BRINP3: variants seen among roughly 807,000 people sequenced by gnomAD.
The protein encoded by BRINP3 is BMP/retinoic acid inducible neural specific 3, also known as BMP/retinoic acid-inducible neural-specific protein 3.
Under a neutral mutation model 71.0 loss-of-function variants are expected in BRINP3, and 19 were observed. That is an observed-to-expected ratio of 0.27 (90% CI 0.19 to 0.39). The LOEUF is 0.39. Ranked by LOEUF, BRINP3 falls within the 10% of genes least tolerant of loss-of-function variation. The pLI, the probability that BRINP3 is intolerant of heterozygous loss-of-function variation, is 1.00. For synonymous variants in BRINP3, 380 were observed against 337.7 expected, an observed-to-expected ratio of 1.13 and a Z score of -1.37; for missense variants, 959 against 940.8, an observed-to-expected ratio of 1.02 and a Z score of -0.25.
intron 2 of BRINP3, among the ~76,000 whole-genome samples, chr1:190,434,220 C>G (rs1674299244): frequency 6.6e-6 from 1 of 151,964 alleles, no homozygotes; most frequent in South Asian, 2.1e-4. Flanking sequence ...CTGGATTCTG[C>G]CTCACCAGCC....
intron 1 of BRINP3, among the ~76,000 whole-genome samples, chr1:190,472,767 A>C (rs1677217456): frequency 6.6e-6 from 1 of 151,728 alleles, no homozygotes; most frequent in Admixed American, 6.6e-5. Flanking sequence ...ATACACTTTT[A>C]TTTAAAGAAT....
chr1:190,279,190 A>T (rs1188378846), intron 3 of BRINP3, among the ~76,000 whole-genome samples: 4 of 151,828 alleles, frequency 2.6e-5, no homozygotes, highest in African/African-American at 9.7e-5. Context: ...TACCTTTCAG[A>T]TTTTATTGCA....
chr1:190,297,423 A>T (rs1458404734), intron 2 of BRINP3, among the ~76,000 whole-genome samples: 3 of 152,122 alleles, frequency 2.0e-5, no homozygotes, highest in African/African-American at 7.2e-5. Flanking sequence ...TAAAACTCCT[A>T]AAAGAAAACT....
At chr1:190,337,727 C>T (rs111297951) in intron 2 of BRINP3, among the ~76,000 whole-genome samples, 131 of 152,210 alleles carry the variant, frequency 8.6e-4, no homozygotes, top group African/African-American at 3.0e-3. Flanking sequence ...GATGGGATTT[C>T]ACCTTGTGAT....
chr1:190,280,991 A>G (rs1260392417), intron 3 of BRINP3, among the ~76,000 whole-genome samples: 1 of 151,944 alleles, frequency 6.6e-6, no homozygotes, highest in African/African-American at 2.4e-5. Flanking sequence ...GTATTTAACA[A>G]TATCACACAA....
At chr1:190,177,094 A>G (rs1270423512) in intron 6 of BRINP3, among the ~76,000 whole-genome samples, 2 of 147,988 alleles carry the variant, frequency 1.4e-5, no homozygotes, top group South Asian at 2.1e-4. Flanking sequence ...CCAATTGACT[A>G]CTAGGCCAAA....
At chr1:190,141,825 T>G (rs886509693) in intron 7 of BRINP3, among the ~76,000 whole-genome samples, 4 of 152,010 alleles carry the variant, frequency 2.6e-5, no homozygotes, top group African/African-American at 9.7e-5. Context: ...CCAAAAGTGT[T>G]GGGATCACAG....
At chr1:190,473,540 C>CTTTTTTTTTTTTTT (rs201424484) in intron 1 of BRINP3, among the ~76,000 whole-genome samples, 1 of 133,078 alleles carries the variant, frequency 7.5e-6, no homozygotes, top group Non-Finnish European at 1.6e-5. Context: ...TAATTTTTCT[C>CTTTTTTTTTTTTTT]TTTTTTTTTT....
rs115265720 is a variant in BRINP3, at chr1:190,463,825, G to A, written c.-50-8885C>T. Among the ~76,000 whole-genome samples, 260 of 151,770 alleles carry A rather than the reference G, an allele frequency of 1.7e-3. 1 individual carries two copies. Among genetic ancestry groups the A allele is most frequent in the African/African-American group, 6.1e-3 (254 of 41,490 alleles). ...TTAATCTTTACATTTTTTATTTAAA[G>A]GTAATGAATTTTTAGATAGCCAGCA... On this transcript the variant is annotated intron_variant, in intron 1 of 7. Transcript: ENST00000367462.
chr1:190,218,864 C>A (rs960266719), intron 6 of BRINP3, among the ~76,000 whole-genome samples: 5 of 152,046 alleles, frequency 3.3e-5, no homozygotes, highest in East Asian at 1.9e-4. Flanking sequence ...TCTATTTACC[C>A]TTTCATTGTG....
chr1:190,452,056 C>T (rs1470212096), intron 2 of BRINP3, among the ~76,000 whole-genome samples: 1 of 152,154 alleles, frequency 6.6e-6, no homozygotes, highest in East Asian at 1.9e-4. Flanking sequence ...AAATTACAAT[C>T]TTTAAAATGA....
At chr1:190,238,678 T>A (rs1658761685) in intron 4 of BRINP3, among the ~76,000 whole-genome samples, 1 of 130,936 alleles carries the variant, frequency 7.6e-6, no homozygotes, top group African/African-American at 2.6e-5. Flanking sequence ...TCTCATATGC[T>A]GCTGCTGGGA....
intron 7 of BRINP3, among the ~76,000 whole-genome samples, chr1:190,125,160 T>G (rs1481273746): frequency 6.6e-6 from 1 of 151,908 alleles, no homozygotes; most frequent in Non-Finnish European, 1.5e-5. Flanking sequence ...TAGGGTAGTT[T>G]CAACCAAATA....
At chr1:190,427,767 A>G (rs1486642147) in intron 2 of BRINP3, among the ~76,000 whole-genome samples, 1 of 151,968 alleles carries the variant, frequency 6.6e-6, no homozygotes, top group Non-Finnish European at 1.5e-5. Flanking sequence ...GTTCAGAGGT[A>G]CAGGTGCCAG....
chr1:190,470,778 G>A (rs1297626389), intron 1 of BRINP3, among the ~76,000 whole-genome samples: 5 of 150,868 alleles, frequency 3.3e-5, no homozygotes, highest in Admixed American at 3.3e-4. Flanking sequence ...TGTATTTCAT[G>A]ATAAAACATC....
At chr1:190,149,155 T>A (rs554215869) in intron 7 of BRINP3, among the ~76,000 whole-genome samples, 1 of 152,354 alleles carries the variant, frequency 6.6e-6, no homozygotes, top group East Asian at 1.9e-4. Context: ...ACGTTTGTAC[T>A]TAATACATGT....
intron 2 of BRINP3, among the ~76,000 whole-genome samples, chr1:190,394,897 T>C (rs1199569038): frequency 1.3e-5 from 2 of 151,710 alleles, no homozygotes; most frequent in East Asian, 3.9e-4. Flanking sequence ...GGAAAGACTG[T>C]TGAATGCATG....
chr1:190,103,104 C>T (rs1353578201), intron 7 of BRINP3, among the ~76,000 whole-genome samples: 1 of 152,062 alleles, frequency 6.6e-6, no homozygotes, highest in Non-Finnish European at 1.5e-5. Flanking sequence ...GTGTGAATAT[C>T]TGACTTTACA....
intron 4 of BRINP3, among the ~76,000 whole-genome samples, chr1:190,258,004 C>CTGCTATT (rs1660826245): frequency 6.6e-6 from 1 of 152,212 alleles, no homozygotes. Flanking sequence ...GGGGGAACCA[C>CTGCTATT]TGCTATTTTC....
Sources: allele counts gnomAD v4.1 joint callset (sites outside exome capture counted in the v4.1 genomes callset), GRCh38; gene constraint gnomAD v4.1.1; transcripts MANE v1.5; gene names NCBI Gene and HGNC (gene_info 2026-07-23, HGNC 2026-07-21).